The following NCKAP1 variants were observed in gnomAD, a reference collection of about 807,000 sequenced individuals.
NCKAP1 encodes NCK associated protein 1.
A neutral mutation model predicts 151.2 loss-of-function variants in NCKAP1; 21 were observed. The observed-to-expected ratio is 0.14, with a 90% CI of 0.10 to 0.20. The LOEUF (loss-of-function observed/expected upper bound fraction) is 0.20. NCKAP1 is among the 10% of genes least tolerant of loss of function. The probability of loss-of-function intolerance (pLI) is 1.00; values close to 1 mark genes in which losing one functional copy is unlikely to be tolerated. For missense variants in NCKAP1, 933 were observed against 1,352.1 expected (o/e 0.69, Z 4.86); for synonymous variants, 484 against 451.8 (o/e 1.07, Z -0.90).
chr2:183,034,308 T>C (rs1472614362), intron 1 of NCKAP1, among the ~76,000 whole-genome samples: 3 of 151,558 alleles, frequency 2.0e-5, no homozygotes, highest in Admixed American at 2.0e-4. Flanking sequence ...ATTCCTCTAA[T>C]GTTTTTAAAG....
chr2:182,983,128 T>G (rs1240171224), intron 11 of NCKAP1, among the ~76,000 whole-genome samples, 158 bp downstream of exon 11: 1 of 152,116 alleles, frequency 6.6e-6, no homozygotes, highest in Non-Finnish European at 1.5e-5. Flanking sequence ...TGCAGGGAGG[T>G]ACGATGTATG....
At chr2:182,963,419 A>G (rs1015707392) in intron 17 of NCKAP1, among the ~76,000 whole-genome samples, 4 of 152,158 alleles carry the variant, frequency 2.6e-5, no homozygotes, top group Non-Finnish European at 5.9e-5. Flanking sequence ...CTCCGTTTCA[A>G]CAGCTCAGAA....
At chr2:182,961,631 A>C (rs911757026) in intron 18 of NCKAP1, among the ~76,000 whole-genome samples, 3 of 152,186 alleles carry the variant, frequency 2.0e-5, no homozygotes, top group African/African-American at 7.2e-5. Context: ...CTAATGTTAA[A>C]TGACGAGTTA....
chr2:182,986,472 A>G (rs995631852), intron 9 of NCKAP1, among the ~76,000 whole-genome samples: 7 of 152,112 alleles, frequency 4.6e-5, no homozygotes, highest in Non-Finnish European at 5.9e-5. Context: ...CACAATGTAG[A>G]TTTTCATTTT....
rs1696554303 is a variant in NCKAP1 at position 182,921,812 on chromosome 2, G to T, written c.*3890C>A. On this transcript the variant is annotated 3_prime_UTR_variant, in exon 31 of 31. Transcript: ENST00000361354. ...AAGTTTGGTTCATGCAAAAATGAATGAAATTTTAATACACTTAAAGTTACT... is the reference window on the plus strand; with the variant it reads ...AAGTTTGGTTCATGCAAAAATGAATTAAATTTTAATACACTTAAAGTTACT... The T allele has an allele frequency of 6.6e-6, 1 of 150,848 alleles. No homozygotes were observed. Among genetic ancestry groups the T allele is most frequent in the South Asian group, 2.1e-4 (1 of 4,782 alleles). 9.3% of individuals were successfully genotyped at this position (150,848 alleles called of 1,614,324 possible). A position where few individuals can be genotyped will look rare whatever the true frequency, so the allele number is the denominator to read the frequency against.
At chr2:182,938,426 G>A (rs966747397) in intron 24 of NCKAP1, among the ~76,000 whole-genome samples, 5 of 152,022 alleles carry the variant, frequency 3.3e-5, no homozygotes, top group East Asian at 1.9e-4. Flanking sequence ...AGATAAACAC[G>A]ACAGAGAAAT....
chr2:183,002,293 C>CA, intron 4 of NCKAP1, 24 bp from the exon 5 acceptor site: 1 of 1,421,044 alleles, frequency 7.0e-7, no homozygotes, highest in Non-Finnish European at 9.6e-7. Flanking sequence ...AAATCAAGTT[C>CA]AACTACTTCC....
At chr2:182,929,410 A>C (rs1363863107) in intron 27 of NCKAP1, among the ~76,000 whole-genome samples, 1 of 151,996 alleles carries the variant, frequency 6.6e-6, no homozygotes, top group Non-Finnish European at 1.5e-5. Flanking sequence ...ATGGGTTTTC[A>C]ACCTCTCTAT....
intron 25 of NCKAP1, 23 bp from the exon 26 acceptor site, chr2:182,934,855 A>G: frequency 8.8e-7 from 1 of 1,139,428 alleles, no homozygotes; most frequent in Non-Finnish European, 1.3e-6. Context: ...ACAAATAAGA[A>G]TACAGAATTA....
intron 1 of NCKAP1, among the ~76,000 whole-genome samples, chr2:183,029,923 G>A (rs1474468736): frequency 6.6e-6 from 1 of 150,396 alleles, no homozygotes; most frequent in Non-Finnish European, 1.5e-5. Flanking sequence ...TGCAATTATT[G>A]TGTGCAAAAC....
intron 23 of NCKAP1, among the ~76,000 whole-genome samples, chr2:182,948,122 A>G (rs981311010): frequency 6.6e-6 from 1 of 152,104 alleles, no homozygotes; most frequent in Non-Finnish European, 1.5e-5. Context: ...AAAAATATAA[A>G]TATTTCATAG....
At chr2:182,959,794 A>G (rs956869788) in intron 18 of NCKAP1, among the ~76,000 whole-genome samples, 1 of 152,220 alleles carries the variant, frequency 6.6e-6, no homozygotes, top group African/African-American at 2.4e-5. Flanking sequence ...GAGAAAGTCA[A>G]ATTGTCACTG....
At chr2:183,018,069 T>C (rs1163082047) in intron 2 of NCKAP1, among the ~76,000 whole-genome samples, 1 of 151,936 alleles carries the variant, frequency 6.6e-6, no homozygotes, top group African/African-American at 2.4e-5. Context: ...GCCAGCATGG[T>C]GAAACCCGTC....
At chr2:183,014,416 G>A (rs1698645848) in intron 2 of NCKAP1, among the ~76,000 whole-genome samples, 1 of 151,958 alleles carries the variant, frequency 6.6e-6, no homozygotes, top group Non-Finnish European at 1.5e-5. Flanking sequence ...AAAGAAACAT[G>A]GCCATTTGTT....
chr2:182,933,389 A>T (rs1429788087), intron 26 of NCKAP1, among the ~76,000 whole-genome samples: 2 of 124,032 alleles, frequency 1.6e-5, no homozygotes, highest in Non-Finnish European at 1.6e-5. Context: ...GTGGCACCAC[A>T]TTTTTTTTTT....
At chr2:183,032,619 T>C (rs1162834736) in intron 1 of NCKAP1, among the ~76,000 whole-genome samples, 1 of 152,194 alleles carries the variant, frequency 6.6e-6, no homozygotes, top group Non-Finnish European at 1.5e-5. Context: ...GGGACTACTG[T>C]GTATAGGCAG....
chr2:182,939,065 AGAAT>A (rs1162059371), intron 24 of NCKAP1, among the ~76,000 whole-genome samples: 1 of 152,242 alleles, frequency 6.6e-6, no homozygotes, highest in Non-Finnish European at 1.5e-5. Flanking sequence ...GTATGTGAAT[AGAAT>A]GAGTTTTCGA....
intron 1 of NCKAP1, among the ~76,000 whole-genome samples, chr2:183,036,467 G>C (rs550332391): frequency 6.6e-6 from 1 of 152,020 alleles, no homozygotes; most frequent in Non-Finnish European, 1.5e-5. Context: ...CAATCTCCCC[G>C]AACAGTTCAG....
At chr2:182,968,267 T>C (rs1340363670) in intron 15 of NCKAP1, among the ~76,000 whole-genome samples, 2 of 152,138 alleles carry the variant, frequency 1.3e-5, no homozygotes, top group African/African-American at 4.8e-5. Context: ...TAGAAGGCAG[T>C]AGTGGCAATA....
Sources: gnomAD v4.1 joint callset for allele counts (sites outside exome capture counted in the v4.1 genomes callset) on GRCh38, gnomAD v4.1.1 for gene constraint, MANE v1.5 for transcripts, NCBI Gene and HGNC (gene_info 2026-07-23, HGNC 2026-07-21) for gene names.